The following KLC1 variants were observed in gnomAD, a reference collection of about 807,000 sequenced individuals.
KLC1 encodes kinesin light chain 1.
KLC1 carries 30 observed loss-of-function variants against 84.2 expected under a neutral mutation model. The observed-to-expected ratio is 0.36, with a 90% CI of 0.27 to 0.48. The LOEUF is 0.48. KLC1 is among the 20% of genes least tolerant of loss of function. The pLI is 0.99. For missense variants in KLC1, 499 were observed against 805.4 expected (o/e 0.62, Z 4.60); for synonymous variants, 289 against 293.3 (o/e 0.99, Z 0.15).
chr14:103,631,517 A>G (rs572132352), intron 1 of KLC1, among the ~76,000 whole-genome samples: 5 of 152,348 alleles, frequency 3.3e-5, no homozygotes, highest in Admixed American at 3.3e-4. Context: ...TAGGATAGAA[A>G]AATCAAAAGT....
At chr14:103,684,651 G>T in intron 13 of KLC1, 1 of 246,590 alleles carries the variant, frequency 4.1e-6, no homozygotes, top group South Asian at 5.3e-5. Flanking sequence ...CCATTGCCCA[G>T]CTGTCAGCTG....
intron 13 of KLC1, chr14:103,686,068 G>C: frequency 2.0e-6 from 2 of 1,016,476 alleles, no homozygotes; most frequent in African/African-American, 3.4e-5. Context: ...TGGGGGCCCC[G>C]CTCGGACTCC....
chr14:103,679,272 C>T, intron 12 of KLC1, 112 bp from the exon 13 acceptor site: 10 of 1,394,428 alleles, frequency 7.2e-6, no homozygotes, highest in South Asian at 1.3e-5. Context: ...GTTTTTCCCT[C>T]CAGTGATTAA....
chr14:103,654,217 A>G (rs2078679356), intron 1 of KLC1, among the ~76,000 whole-genome samples: 1 of 152,210 alleles, frequency 6.6e-6, no homozygotes, highest in African/African-American at 2.4e-5. Context: ...CCTGCATTTC[A>G]TTAGGAAGAG....
In KLC1 at chr14:103,673,262, C is replaced by T; in HGVS notation, c.1162-70C>T. 3 of 1,560,296 alleles carry T rather than the reference C, an allele frequency of 1.9e-6. No individual in the cohort carries two copies. In the South Asian group the frequency reaches 3.6e-5, roughly 19 times the overall value. On this transcript the variant is annotated intron_variant, in intron 8 of 16. Transcript: ENST00000334553. ...CAAGTCCAAACACTTTCTCATTTAA[C>T]TGGAGATTAAAATGTATGCTTTATT...
rs1018110943 is a variant in KLC1, at chr14:103,693,139, G to A, written c.1848+714G>A. Among the ~76,000 whole-genome samples, 1 of 152,196 alleles carries A rather than the reference G, an allele frequency of 6.6e-6. No homozygotes were observed. The highest frequency in any genetic ancestry group is 2.4e-5 in the African/African-American group (1 of 41,440). ...CCCTGTGCTGGTGCTGAGAGTTCGC[G>A]ACAGTGGCCAGGCACTGCCCTCCCA... On this transcript the variant is annotated intron_variant, in intron 15 of 16. Transcript: ENST00000334553. The surrounding 1 kb of genome is among the most constrained non-coding windows in gnomAD (Gnocchi z 5.1).
chr14:103,700,920 G>A (rs966349546), intron 16 of KLC1, among the ~76,000 whole-genome samples, 193 bp downstream of exon 16: 63 of 152,200 alleles, frequency 4.1e-4, no homozygotes, highest in African/African-American at 1.4e-3. Flanking sequence ...GTGGGGGGGT[G>A]GGAATGGCAC....
rs559766854 is a variant in KLC1 at position 103,656,304 on chromosome 14, G to C, written c.262-1242G>C. On this transcript the variant is annotated intron_variant, in intron 2 of 16. Transcript: ENST00000334553. ...AAGGAGAATGGACACTGGCCAGTGG[G>C]TGATGGTCTCTGCAATCCCAGGGCC... Among the ~76,000 whole-genome samples, 247 of 152,300 alleles carry C rather than the reference G, an allele frequency of 1.6e-3. 2 individuals are homozygous for C. The highest frequency in any genetic ancestry group is 3.4e-3 in the Middle Eastern group (1 of 294).
At chr14:103,685,648 C>G in intron 13 of KLC1, 2 of 1,289,476 alleles carry the variant, frequency 1.6e-6, no homozygotes, top group Non-Finnish European at 2.0e-6. Flanking sequence ...GCCTAGCCGC[C>G]CGTGACTCTC....
rs2078707455 is a variant in KLC1 at position 103,654,764 on chromosome 14, A to G, written c.200A>G (p.Glu67Gly). ...GATGATGAAAGTAATTTGGTGGAGGAGAAATCAAACATGATCCGGAAGTCA... is the reference window on the plus strand; with the variant it reads ...GATGATGAAAGTAATTTGGTGGAGGGGAAATCAAACATGATCCGGAAGTCA... ...KKDDESNLVE[E>G]KSNMIRKSLE... Residue 67 changes from glutamate to glycine, a missense_variant, in exon 2 of 17, where the codon GAG (glutamate) becomes GGG (glycine). Glu to Gly is a moderately conservative substitution (Grantham distance 98). Around this residue, in one of 3 missense-constraint regions of KLC1, gnomAD observed 179 missense variants for 264.2 expected, o/e 0.68. Coordinates refer to ENST00000334553, the MANE Select transcript of KLC1 (RefSeq NM_001394837.1). 6.2e-7 allele frequency: 1 copy of G among 1,614,096 alleles called. No homozygotes were observed. The highest frequency in any genetic ancestry group is 8.5e-7 in the Non-Finnish European group (1 of 1,180,040).
At chr14:103,646,237 GA>G (rs1373668239) in intron 1 of KLC1, among the ~76,000 whole-genome samples, 1 of 152,194 alleles carries the variant, frequency 6.6e-6, no homozygotes, top group African/African-American at 2.4e-5. Context: ...TCATTAGTGT[GA>G]CAGAGTAAGT....
At chr14:103,643,766 A>G (rs566562556) in intron 1 of KLC1, among the ~76,000 whole-genome samples, 1 of 152,158 alleles carries the variant, frequency 6.6e-6, no homozygotes, top group East Asian at 1.9e-4. Context: ...CGTCTCTACT[A>G]AAAATACAAA....
At chr14:103,669,447 G>C in intron 5 of KLC1, 64 bp from the exon 6 acceptor site, 1 of 733,366 alleles carries the variant, frequency 1.4e-6, no homozygotes, top group Non-Finnish European at 2.1e-6. Flanking sequence ...AAAAAGAAAA[G>C]AAAAGAAAAG....
chr14:103,685,122 G>A (rs138236147), intron 13 of KLC1: 4 of 1,490,220 alleles, frequency 2.7e-6, no homozygotes, highest in East Asian at 2.5e-5. Flanking sequence ...GACCCAGGAC[G>A]CATTGCTGCC....
intron 14 of KLC1, among the ~76,000 whole-genome samples, chr14:103,691,499 C>G (rs969859348): frequency 9.4e-6 from 1 of 105,912 alleles, no homozygotes; most frequent in African/African-American, 3.8e-5. Flanking sequence ...TAGGTGGAGT[C>G]TCACTCTTGC....
chr14:103,670,117 G>T, intron 6 of KLC1, 65 bp from the exon 7 acceptor site: 3 of 991,200 alleles, frequency 3.0e-6, no homozygotes, highest in East Asian at 2.5e-5. Flanking sequence ...TGAATATGTG[G>T]TGTATAAATG....
chr14:103,665,080 A>G (rs949587483), intron 5 of KLC1, among the ~76,000 whole-genome samples: 2 of 151,832 alleles, frequency 1.3e-5, no homozygotes, highest in African/African-American at 4.8e-5. Flanking sequence ...TAGTAGCTAC[A>G]TATGTATTCA....
At chr14:103,639,445 A>T (rs916858761) in intron 1 of KLC1, among the ~76,000 whole-genome samples, 1 of 149,428 alleles carries the variant, frequency 6.7e-6, no homozygotes, top group African/African-American at 2.5e-5. Context: ...CTTGTCTTTT[A>T]CTTATTTATT....
intron 15 of KLC1, chr14:103,696,366 T>G: frequency 1.0e-6 from 1 of 985,360 alleles, no homozygotes; most frequent in Non-Finnish European, 1.2e-6. Context: ...GTTTACAGTA[T>G]TGGAGGGATT....
Sources: gnomAD v4.1 joint callset for allele counts (sites outside exome capture counted in the v4.1 genomes callset) on GRCh38, gnomAD v4.1.1 for gene constraint, gnomAD v4.1.1 regional missense constraint, Gnocchi (gnomAD v3.1) non-coding constraint, MANE v1.5 for transcripts, NCBI Gene and HGNC (gene_info 2026-07-23, HGNC 2026-07-21) for gene names.